UBE2E2: variants seen among roughly 807,000 people sequenced by gnomAD.
UBE2E2 encodes ubiquitin conjugating enzyme E2 E2.
A neutral mutation model predicts 24.7 loss-of-function variants in UBE2E2; 6 were observed. The observed-to-expected ratio is 0.24, with a 90% confidence interval of 0.13 to 0.48. The LOEUF (loss-of-function observed/expected upper bound fraction) is 0.48, where lower values mean the gene tolerates loss of function less well. Ranked by LOEUF, UBE2E2 falls within the 20% of genes least tolerant of loss-of-function variation. The pLI is 0.99. For synonymous variants in UBE2E2, 104 were observed against 83.6 expected (o/e 1.24, Z -1.33); for missense variants, 169 against 245.0 (o/e 0.69, Z 2.07).
intron 3 of UBE2E2, among the ~76,000 whole-genome samples, chr3:23,339,899 GTTTATT>G (rs1695333867): frequency 6.6e-6 from 1 of 152,048 alleles, no homozygotes. Context: ...GTTTGTTTTA[GTTTATT>G]TTTAATTGTC....
intron 3 of UBE2E2, among the ~76,000 whole-genome samples, chr3:23,231,464 AT>A (rs1696971974): frequency 6.6e-6 from 1 of 152,064 alleles, no homozygotes; most frequent in Non-Finnish European, 1.5e-5. Flanking sequence ...CGCTTTTAAA[AT>A]TTTTCTTATT....
intron 3 of UBE2E2, among the ~76,000 whole-genome samples, chr3:23,391,263 G>A (rs2125361051): frequency 6.6e-6 from 1 of 152,304 alleles, no homozygotes; most frequent in East Asian, 1.9e-4. Flanking sequence ...GTCAGCCTAA[G>A]TTGCCAGTTA....
In UBE2E2 at chr3:23,418,084, G is replaced by A. The variant is rs189361509; in HGVS notation, c.228-81524G>A. On this transcript the variant is annotated intron_variant, in intron 3 of 5. Transcript: ENST00000396703. Reference sequence around the variant, plus strand: ...GAGTGAACGGTTCTGTCTTGCTGGCGTTGCAGGCACCACTGGGGTATGAAA... The same window carrying A: ...GAGTGAACGGTTCTGTCTTGCTGGCATTGCAGGCACCACTGGGGTATGAAA... Among the ~76,000 whole-genome samples, 1,005 of 152,188 alleles carry A rather than the reference G, an allele frequency of 6.6e-3. 15 individuals carry two copies. The highest frequency in any genetic ancestry group is 0.022 in the African/African-American group (919 of 41,520).
intron 3 of UBE2E2, among the ~76,000 whole-genome samples, chr3:23,299,075 T>C (rs1370060761): frequency 6.6e-6 from 1 of 152,260 alleles, no homozygotes. Context: ...TTTATTTGCA[T>C]AGAGGTGTTT....
chr3:23,407,645 GCA>G lies in UBE2E2; in HGVS notation c.228-91962_228-91961del, dbSNP rs1491378587. Among the ~76,000 whole-genome samples the G allele has an allele frequency of 4.9e-3, 574 of 117,460 alleles. 4 individuals carry two copies. Among genetic ancestry groups the G allele is most frequent in the African/African-American group, 0.022 (525 of 23,698 alleles). The allele number at this position is 117,460 out of a possible 152,430, so 77.1% of individuals were successfully genotyped here. On this transcript the variant is annotated intron_variant, in intron 3 of 5. Transcript: ENST00000396703. This position sits in a 1 kb window ranked among gnomAD's most constrained non-coding sequence, Gnocchi z 4.0. ...TGTGTGTGTTTGTGTGTGCATGCGT[GCA>G]TGTGTGTGTGTGTGTGTGTGTGTGT...
At chr3:23,481,865 A>G (rs1438411482) in intron 3 of UBE2E2, among the ~76,000 whole-genome samples, 1 of 152,228 alleles carries the variant, frequency 6.6e-6, no homozygotes, top group Non-Finnish European at 1.5e-5. Flanking sequence ...TAAATAGCAG[A>G]TCTTCTGTAA....
intron 3 of UBE2E2, among the ~76,000 whole-genome samples, chr3:23,490,711 AAAAGG>A (rs1410049266): frequency 4.6e-5 from 7 of 152,200 alleles, no homozygotes; most frequent in Non-Finnish European, 8.8e-5. Flanking sequence ...TTTCCCTGGG[AAAAGG>A]AAGTATTATG....
chr3:23,587,780 C>A lies in UBE2E2; in HGVS notation c.509-1954C>A, dbSNP rs534229972. The stretch of plus-strand genomic sequence containing the variant: ...AGTGCTGGTTTAAATCTTGTTGAAT[C>A]TTGACTGGACTGGGTGAAATGGTAG... On this transcript the variant is annotated intron_variant, in intron 5 of 5. Coordinates refer to ENST00000396703, the MANE Select transcript of UBE2E2 (RefSeq NM_152653.4). Among the ~76,000 whole-genome samples, 171 of 152,316 alleles carry A rather than the reference C, an allele frequency of 1.1e-3. 2 individuals carry two copies. Among genetic ancestry groups the A allele is most frequent in the African/African-American group, 3.9e-3 (163 of 41,568 alleles).
chr3:23,358,223 A>AG (rs749232116), intron 3 of UBE2E2, among the ~76,000 whole-genome samples: 1 of 152,214 alleles, frequency 6.6e-6, no homozygotes, highest in African/African-American at 2.4e-5. Flanking sequence ...TTTTTCTGTC[A>AG]GGGTTTTGAA....
chr3:23,241,056 C>G (rs1299021325), intron 3 of UBE2E2, among the ~76,000 whole-genome samples: 1 of 152,206 alleles, frequency 6.6e-6, no homozygotes, highest in East Asian at 1.9e-4. Flanking sequence ...GGCACTTCAA[C>G]AAGTCCAAAA....
intron 3 of UBE2E2, among the ~76,000 whole-genome samples, chr3:23,477,978 T>A (rs538294105): frequency 7.9e-5 from 12 of 152,352 alleles, no homozygotes; most frequent in African/African-American, 2.9e-4. Context: ...CTTCCACTTC[T>A]GCCATGATTG....
intron 3 of UBE2E2, among the ~76,000 whole-genome samples, chr3:23,470,240 G>A (rs1352956864): frequency 6.6e-6 from 1 of 152,172 alleles, no homozygotes; most frequent in African/African-American, 2.4e-5. Context: ...AAAGTTCTGA[G>A]TATGGCACTT....
intron 3 of UBE2E2, among the ~76,000 whole-genome samples, chr3:23,234,519 T>A (rs750194137): frequency 1.2e-4 from 18 of 152,140 alleles, no homozygotes; most frequent in Non-Finnish European, 2.2e-4. Flanking sequence ...GAGCCTGCAT[T>A]TTAGTAAGCA....
At position 23,583,527 on chromosome 3, in the gene UBE2E2, C is replaced by T. The variant is rs1480496842; in HGVS notation, c.509-6207C>T. On this transcript the variant is annotated intron_variant, in intron 5 of 5. Transcript: ENST00000396703. This position sits in a 1 kb window ranked among gnomAD's most constrained non-coding sequence, Gnocchi z 4.1. ...CTGTAAATTGCTTTGGGCAGTATGG[C>T]CATTTTAACAAACTTCTTCCTTTCC... is the stretch of plus-strand genomic sequence containing the variant. Among the ~76,000 whole-genome samples the T allele has an allele frequency of 4.6e-5, 7 of 152,104 alleles. No individual in the cohort carries two copies. The highest frequency in any genetic ancestry group is 7.4e-5 in the Non-Finnish European group (5 of 68,004).
intron 3 of UBE2E2, among the ~76,000 whole-genome samples, chr3:23,430,555 G>GTCTC (rs1296411252): frequency 6.6e-6 from 1 of 151,782 alleles, no homozygotes; most frequent in Non-Finnish European, 1.5e-5. Context: ...TTGAGACAGG[G>GTCTC]TCTCACTCTG....
At chr3:23,260,624 G>A (rs1049755807) in intron 3 of UBE2E2, among the ~76,000 whole-genome samples, 1 of 152,064 alleles carries the variant, frequency 6.6e-6, no homozygotes, top group African/African-American at 2.4e-5. Flanking sequence ...ACCAGCCTGG[G>A]CAACATAGTA....
At chr3:23,220,444 C>T (rs963540409) in intron 3 of UBE2E2, among the ~76,000 whole-genome samples, 10 of 152,116 alleles carry the variant, frequency 6.6e-5, no homozygotes, top group African/African-American at 9.7e-5. Context: ...GAAAAAATTT[C>T]TGCTCATAAA....
At chr3:23,344,336 C>T (rs181079634) in intron 3 of UBE2E2, among the ~76,000 whole-genome samples, 4 of 152,226 alleles carry the variant, frequency 2.6e-5, no homozygotes, top group Admixed American at 6.5e-5. Context: ...AGAAACACAT[C>T]CAGAGGTCAC....
At chr3:23,269,830 G>A (rs147516461) in intron 3 of UBE2E2, among the ~76,000 whole-genome samples, 33 of 152,234 alleles carry the variant, frequency 2.2e-4, no homozygotes, top group African/African-American at 7.9e-4. Flanking sequence ...AGCTTAATAT[G>A]GTGAGATGCC....
Sources: allele counts gnomAD v4.1 joint callset (sites outside exome capture counted in the v4.1 genomes callset), GRCh38; gene constraint gnomAD v4.1.1; non-coding constraint Gnocchi (gnomAD v3.1); transcripts MANE v1.5; gene names NCBI Gene and HGNC (gene_info 2026-07-23, HGNC 2026-07-21).